CTNNA2: variants seen among roughly 807,000 people sequenced by gnomAD.
The protein encoded by CTNNA2 is catenin alpha-2.
In CTNNA2, 42 loss-of-function variants were observed where a neutral mutation model predicts 101.0. That is an observed-to-expected ratio of 0.42 (90% confidence interval 0.32 to 0.54). CTNNA2 has a LOEUF of 0.54. CTNNA2 is among the 20% of genes least tolerant of loss of function. The probability of loss-of-function intolerance (pLI) is 0.14; values close to 1 mark genes in which losing one functional copy is unlikely to be tolerated. For missense variants in CTNNA2, 871 were observed against 1,223.1 expected (o/e 0.71, Z 4.29); for synonymous variants, 450 against 456.4 (o/e 0.99, Z 0.18).
intron 7 of CTNNA2, among the ~76,000 whole-genome samples, chr2:80,132,476 C>G (rs983953991): frequency 1.3e-5 from 2 of 152,174 alleles, no homozygotes; most frequent in Non-Finnish European, 2.9e-5. Context: ...TTATGATATA[C>G]TATCCAAGTG....
intron 1 of CTNNA2, among the ~76,000 whole-genome samples, chr2:79,576,800 C>T (rs1023533641): frequency 5.9e-5 from 9 of 152,016 alleles, no homozygotes; most frequent in South Asian, 2.1e-4. Context: ...AATAAATTAT[C>T]GTTTTTCATC....
intron 4 of CTNNA2, among the ~76,000 whole-genome samples, chr2:79,860,393 G>A (rs918075180): frequency 2.6e-5 from 4 of 151,988 alleles, no homozygotes; most frequent in African/African-American, 4.8e-5. Context: ...ATAAATCCAG[G>A]GCGATGACGC....
chr2:79,933,978 T>C (rs954675967), intron 7 of CTNNA2, among the ~76,000 whole-genome samples: 1 of 152,174 alleles, frequency 6.6e-6, no homozygotes, highest in Non-Finnish European at 1.5e-5. Flanking sequence ...CATGAGGTAA[T>C]AGAAACCATT....
At chr2:79,461,391 C>A (rs553326617) in intron 4 of CTNNA2, among the ~76,000 whole-genome samples, 2 of 152,224 alleles carry the variant, frequency 1.3e-5, no homozygotes, top group South Asian at 4.2e-4. Context: ...TGGCAGTGTG[C>A]GAGTGCTTAT....
intron 7 of CTNNA2, among the ~76,000 whole-genome samples, chr2:80,270,733 T>G (rs1282037601): frequency 6.6e-6 from 1 of 152,184 alleles, no homozygotes; most frequent in Non-Finnish European, 1.5e-5. Flanking sequence ...TCAACACCTA[T>G]CAGGTAAACA....
At chr2:79,514,366 C>T (rs1298313251) in intron 1 of CTNNA2, among the ~76,000 whole-genome samples, 5 of 152,172 alleles carry the variant, frequency 3.3e-5, no homozygotes, top group Admixed American at 6.5e-5. Context: ...TTTTCACCCA[C>T]CTCGTAGGAC....
chr2:79,577,429 G>T (rs1365292403), intron 1 of CTNNA2, among the ~76,000 whole-genome samples: 1 of 151,912 alleles, frequency 6.6e-6, no homozygotes, highest in South Asian at 2.1e-4. Flanking sequence ...GTTATTTTGG[G>T]TCACTTTACA....
chr2:80,375,237 C>A (rs1213726196), intron 7 of CTNNA2, among the ~76,000 whole-genome samples: 1 of 152,068 alleles, frequency 6.6e-6, no homozygotes, highest in African/African-American at 2.4e-5. Context: ...GTTGGGATAG[C>A]CTCGGGAAAG....
intron 2 of CTNNA2, among the ~76,000 whole-genome samples, chr2:79,653,867 G>A (rs940984504): frequency 6.6e-6 from 1 of 152,058 alleles, no homozygotes. Context: ...TGACTTCCAC[G>A]TAATTGTAGG....
chr2:80,163,032 CCATTAAGTAGATT>C, intron 7 of CTNNA2: 6 of 1,563,990 alleles, frequency 3.8e-6, no homozygotes, highest in Non-Finnish European at 5.3e-6. Flanking sequence ...AAGTTTGATT[CCATTAAGTAGATT>C]CATTGCATAA....
intron 7 of CTNNA2, among the ~76,000 whole-genome samples, chr2:80,225,750 CT>C (rs1211429368): frequency 6.6e-6 from 1 of 152,042 alleles, no homozygotes; most frequent in African/African-American, 2.4e-5. Context: ...AAAATAGTTG[CT>C]TTGTATCTCA....
intron 7 of CTNNA2, among the ~76,000 whole-genome samples, chr2:80,119,668 T>G (rs575322778): frequency 1.3e-5 from 2 of 152,326 alleles, no homozygotes; most frequent in South Asian, 4.1e-4. Flanking sequence ...TCCTGAAAAC[T>G]TTATAGTTTC....
chr2:80,543,820 A>G (rs1022249801), intron 9 of CTNNA2, among the ~76,000 whole-genome samples: 6 of 152,176 alleles, frequency 3.9e-5, no homozygotes, highest in Admixed American at 3.3e-4. Context: ...TTGGAGACTA[A>G]ACATAAGCAG....
At chr2:80,017,471 T>C (rs1427637134) in intron 7 of CTNNA2, among the ~76,000 whole-genome samples, 30 of 150,308 alleles carry the variant, frequency 2.0e-4, no homozygotes, top group Non-Finnish European at 4.4e-5. Context: ...TATATGTGTA[T>C]ATATGTGTGT....
chr2:80,530,803 C>T (rs1183536967), intron 9 of CTNNA2, among the ~76,000 whole-genome samples: 1 of 152,178 alleles, frequency 6.6e-6, no homozygotes, highest in Non-Finnish European at 1.5e-5. Flanking sequence ...GGCCTACCAC[C>T]TGGTCTGGGA....
chr2:80,037,509 T>C (rs1695747870), intron 7 of CTNNA2, among the ~76,000 whole-genome samples: 1 of 152,170 alleles, frequency 6.6e-6, no homozygotes, highest in African/African-American at 2.4e-5. Flanking sequence ...GTTAATGACA[T>C]TAATAGCTTG....
chr2:79,842,544 A>G (rs1679902803), intron 3 of CTNNA2, among the ~76,000 whole-genome samples: 1 of 152,112 alleles, frequency 6.6e-6, no homozygotes, highest in Non-Finnish European at 1.5e-5. Flanking sequence ...TTGTGTTATA[A>G]GTTTTTCTAA....
In CTNNA2 at chr2:79,817,448, C is replaced by T. The variant is rs562568850; in HGVS notation, c.299-40565C>T. 7.4e-5 allele frequency among the ~76,000 whole-genome samples: 11 copies of T among 149,462 alleles called. No individual in the cohort carries two copies. The South Asian group carries it at 1.7e-3, about 23-fold the overall frequency. On this transcript the variant is annotated intron_variant, in intron 3 of 18. Coordinates refer to ENST00000402739, the MANE Select transcript of CTNNA2 (RefSeq NM_001282597.3). ...AATAAGTAGCCTGGGATCAGGCTCT[C>T]GTATTTCCAGTCTCACTCTCAAAGC...
intron 3 of CTNNA2, among the ~76,000 whole-genome samples, chr2:79,750,044 T>G (rs990562638): frequency 6.6e-6 from 1 of 152,162 alleles, no homozygotes; most frequent in Admixed American, 6.5e-5. Flanking sequence ...TTGCACGTGG[T>G]GTCCGCAAAC....
Sources: allele counts gnomAD v4.1 joint callset (sites outside exome capture counted in the v4.1 genomes callset), GRCh38; gene constraint gnomAD v4.1.1; transcripts MANE v1.5; gene names NCBI Gene and HGNC (gene_info 2026-07-23, HGNC 2026-07-21).